HECW1: variants seen among roughly 807,000 people sequenced by gnomAD.
The protein encoded by HECW1 is HECT, C2 and WW domain containing E3 ubiquitin protein ligase 1.
In HECW1, 61 loss-of-function variants were observed where a neutral mutation model predicts 182.3. The ratio of observed to expected loss-of-function variants is 0.33; its 90% CI spans 0.27 to 0.41. The LOEUF is 0.41. HECW1 is among the 10% of genes least tolerant of loss of function. The pLI is 1.00. For synonymous variants in HECW1, 859 were observed against 832.6 expected (o/e 1.03, Z -0.55); for missense variants, 1,739 against 2,108.9 (o/e 0.82, Z 3.44).
intron 2 of HECW1, among the ~76,000 whole-genome samples, chr7:43,221,999 G>T (rs988302946): frequency 6.6e-6 from 1 of 152,196 alleles, no homozygotes; most frequent in African/African-American, 2.4e-5. Flanking sequence ...CAATAAAAAT[G>T]CTTAGTCTCA....
At chr7:43,155,492 A>C (rs1227133463) in intron 2 of HECW1, among the ~76,000 whole-genome samples, 3 of 152,222 alleles carry the variant, frequency 2.0e-5, no homozygotes, top group Non-Finnish European at 4.4e-5. Flanking sequence ...TCTTATAAGG[A>C]AATTGAGTTT....
intron 7 of HECW1, among the ~76,000 whole-genome samples, chr7:43,406,193 G>A (rs908577676): frequency 6.6e-6 from 1 of 152,166 alleles, no homozygotes; most frequent in African/African-American, 2.4e-5. Flanking sequence ...GGTCTAGGGA[G>A]TAACAGTGCA....
intron 5 of HECW1, among the ~76,000 whole-genome samples, chr7:43,342,416 G>A (rs1022356950): frequency 6.6e-6 from 1 of 151,656 alleles, no homozygotes; most frequent in Non-Finnish European, 1.5e-5. Flanking sequence ...GGATAGACTG[G>A]CAGGACTCAA....
intron 21 of HECW1, among the ~76,000 whole-genome samples, chr7:43,501,567 T>C (rs548791016): frequency 5.7e-4 from 87 of 152,286 alleles, no homozygotes; most frequent in Non-Finnish European, 1.0e-3. Context: ...AGGTGGCTCA[T>C]GCTTATAATC....
At chr7:43,341,451 TAGTC>T (rs1465275927) in intron 5 of HECW1, among the ~76,000 whole-genome samples, 1 of 151,796 alleles carries the variant, frequency 6.6e-6, no homozygotes, top group Non-Finnish European at 1.5e-5. Flanking sequence ...AATAACAAAT[TAGTC>T]AAGTAATATA....
In HECW1 at chr7:43,388,523, G is replaced by A. The variant is rs535750138; in HGVS notation, c.556-8291G>A. ...CATAATGATTATCAAACGTGAAGCA[G>A]TGGGTGCTTGGAATGAAAGAAGCAG... On this transcript the variant is annotated intron_variant, in intron 6 of 29. Transcript: ENST00000395891. 2.6e-5 allele frequency among the ~76,000 whole-genome samples: 4 copies of A among 152,362 alleles called. No homozygotes were observed. The East Asian group carries it at 7.7e-4, about 29-fold the overall frequency.
chr7:43,524,431 T>G (rs1165371271), intron 24 of HECW1, among the ~76,000 whole-genome samples: 1 of 152,212 alleles, frequency 6.6e-6, no homozygotes, highest in African/African-American at 2.4e-5. Context: ...GTCTTATTAC[T>G]TAAATAATGA....
chr7:43,189,642 C>G (rs1312144128), intron 2 of HECW1, among the ~76,000 whole-genome samples: 1 of 151,766 alleles, frequency 6.6e-6, no homozygotes, highest in African/African-American at 2.4e-5. Context: ...AAAATAAATA[C>G]ATGGGGTTAA....
intron 24 of HECW1, among the ~76,000 whole-genome samples, chr7:43,534,124 C>T (rs1188027148): frequency 6.6e-6 from 1 of 152,146 alleles, no homozygotes; most frequent in Admixed American, 6.5e-5. Flanking sequence ...ATTTTTATAT[C>T]ACTTTCGTAT....
chr7:43,311,509 G>A (rs1414132578), intron 3 of HECW1: 14 of 689,546 alleles, frequency 2.0e-5, no homozygotes, highest in South Asian at 1.3e-4. Context: ...GCCGGGAGAG[G>A]CAGAGACTCC....
intron 3 of HECW1, among the ~76,000 whole-genome samples, chr7:43,255,944 T>G (rs923033153): frequency 6.6e-6 from 1 of 152,188 alleles, no homozygotes; most frequent in African/African-American, 2.4e-5. Flanking sequence ...TTATAAAAAG[T>G]TATGTCATCT....
At chr7:43,269,790 A>G (rs1802184447) in intron 3 of HECW1, among the ~76,000 whole-genome samples, 1 of 152,160 alleles carries the variant, frequency 6.6e-6, no homozygotes, top group African/African-American at 2.4e-5. Flanking sequence ...AAGTGAGGGT[A>G]GGGTTACCTC....
intron 3 of HECW1, among the ~76,000 whole-genome samples, chr7:43,293,846 A>G (rs1805706448): frequency 6.6e-6 from 1 of 152,164 alleles, no homozygotes. Flanking sequence ...GCAGGAGGTG[A>G]GCAGCAGCAA....
At chr7:43,117,001 C>T (rs1785104579) in intron 2 of HECW1, among the ~76,000 whole-genome samples, 1 of 152,178 alleles carries the variant, frequency 6.6e-6, no homozygotes, top group Non-Finnish European at 1.5e-5. Flanking sequence ...ATGGTGCAGC[C>T]TGTGGTTATC....
chr7:43,339,750 T>A (rs1812728246), intron 5 of HECW1, among the ~76,000 whole-genome samples: 1 of 152,088 alleles, frequency 6.6e-6, no homozygotes, highest in Non-Finnish European at 1.5e-5. Context: ...AGAGGGGAGC[T>A]CCGCGGGGTG....
intron 3 of HECW1, among the ~76,000 whole-genome samples, chr7:43,280,454 A>G (rs571222206): frequency 2.6e-5 from 4 of 152,336 alleles, no homozygotes; most frequent in Non-Finnish European, 2.9e-5. Context: ...GCAGAATGAC[A>G]ACTAGAACCT....
intron 19 of HECW1, 55 bp downstream of exon 19, chr7:43,493,235 G>A (rs548757135): frequency 7.0e-5 from 85 of 1,212,836 alleles, no homozygotes; most frequent in South Asian, 1.6e-4. Context: ...CATTTTTCCC[G>A]GTGGGAAAAC....
intron 3 of HECW1, among the ~76,000 whole-genome samples, chr7:43,290,728 T>C (rs1440819351): frequency 6.6e-6 from 1 of 152,192 alleles, no homozygotes; most frequent in Admixed American, 6.5e-5. Context: ...TAGTAGGGGA[T>C]AGTCCATGCA....
chr7:43,399,261 G>C (rs1210243333), intron 7 of HECW1, among the ~76,000 whole-genome samples: 1 of 152,146 alleles, frequency 6.6e-6, no homozygotes, highest in African/African-American at 2.4e-5. Context: ...CCTGTTCCCA[G>C]GAATGAACAA....
Sources: allele counts gnomAD v4.1 joint callset (sites outside exome capture counted in the v4.1 genomes callset), GRCh38; gene constraint gnomAD v4.1.1; transcripts MANE v1.5; gene names NCBI Gene and HGNC (gene_info 2026-07-23, HGNC 2026-07-21).